The following C12orf54 variants were observed in gnomAD, a reference collection of about 807,000 sequenced individuals.
The protein encoded by C12orf54 is chromosome 12 open reading frame 54.
C12orf54 carries 24 observed loss-of-function variants against 26.4 expected under a neutral mutation model. The ratio of observed to expected loss-of-function variants is 0.91; its 90% confidence interval spans 0.66 to 1.28. The LOEUF is 1.28. Ranked by LOEUF, C12orf54 falls within the 50% of genes most tolerant of loss-of-function variation. The pLI is 0.00. For synonymous variants in C12orf54, 54 were observed against 47.0 expected (o/e 1.15, Z -0.61); for missense variants, 154 against 150.9 (o/e 1.02, Z -0.11).
At chr12:48,482,058 G>A (rs1220256608), upstream of C12orf54, among the ~76,000 whole-genome samples, 1 of 152,178 alleles carries the variant, frequency 6.6e-6, no homozygotes, top group Non-Finnish European at 1.5e-5. Flanking sequence ...CAGAAAAACT[G>A]TTTTCATCCC....
the C12orf54 span, among the ~76,000 whole-genome samples, chr12:48,462,409 G>C: frequency 1.3e-5 from 2 of 151,498 alleles, no homozygotes; most frequent in African/African-American, 4.8e-5. Context: ...ACATTATTAT[G>C]ATGCCAAAAA....
At chr12:48,464,762 G>A in the C12orf54 span, among the ~76,000 whole-genome samples, 111 of 152,000 alleles carry the variant, frequency 7.3e-4, no homozygotes, top group African/African-American at 2.6e-3. Context: ...CAAAAATAAG[G>A]CCACACACCT....
chr12:48,461,986 G>GA, the C12orf54 span, among the ~76,000 whole-genome samples: 1 of 151,496 alleles, frequency 6.6e-6, no homozygotes, highest in Non-Finnish European at 1.5e-5. Flanking sequence ...AGACTGATCA[G>GA]AAAAAAGAGA....
the C12orf54 span, among the ~76,000 whole-genome samples, chr12:48,441,185 T>A: frequency 6.6e-5 from 10 of 152,240 alleles, no homozygotes; most frequent in Non-Finnish European, 1.2e-4. Context: ...TGAACTCTTA[T>A]TATGATTCAT....
chr12:48,488,255 T>C (rs1592201437), intron 4 of C12orf54: 2 of 635,838 alleles, frequency 3.1e-6, no homozygotes, highest in Non-Finnish European at 5.9e-6. Flanking sequence ...CTGGCAGGCC[T>C]CGGCCTAAAG....
chr12:48,431,822 A>G, the C12orf54 span, among the ~76,000 whole-genome samples: 1 of 152,182 alleles, frequency 6.6e-6, no homozygotes, highest in African/African-American at 2.4e-5. Context: ...TGGGGATGGG[A>G]TTGGAGAGTG....
the C12orf54 span, among the ~76,000 whole-genome samples, chr12:48,419,603 G>A: frequency 2.0e-5 from 3 of 152,262 alleles, no homozygotes; most frequent in South Asian, 6.2e-4. Flanking sequence ...GGGTAGGAGA[G>A]AATGACCCCA....
At chr12:48,425,088 CTTTTA>C in the C12orf54 span, among the ~76,000 whole-genome samples, 33 of 151,890 alleles carry the variant, frequency 2.2e-4, no homozygotes, top group Non-Finnish European at 3.5e-4. Flanking sequence ...ATTTTTTAAA[CTTTTA>C]TTTTAGGTTC....
At chr12:48,465,784 C>A in the C12orf54 span, among the ~76,000 whole-genome samples, 23 of 152,162 alleles carry the variant, frequency 1.5e-4, no homozygotes, top group East Asian at 5.8e-4. Flanking sequence ...GAACTAGAAG[C>A]CATTATCCTT....
chr12:48,448,986 G>A, the C12orf54 span, among the ~76,000 whole-genome samples: 1 of 152,178 alleles, frequency 6.6e-6, no homozygotes, highest in South Asian at 2.1e-4. Flanking sequence ...TGAAGAGGGG[G>A]CAGCTATGGG....
chr12:48,491,215 C>T (rs982983673), intron 6 of C12orf54, among the ~76,000 whole-genome samples: 1 of 152,156 alleles, frequency 6.6e-6, no homozygotes, highest in Non-Finnish European at 1.5e-5. Context: ...TATCCTAGAT[C>T]AAGGTGCCAA....
the C12orf54 span, among the ~76,000 whole-genome samples, chr12:48,448,082 G>T: frequency 6.6e-6 from 1 of 151,726 alleles, no homozygotes; most frequent in Non-Finnish European, 1.5e-5. Context: ...TCTAAGCTTG[G>T]AAGTAGATTC....
At chr12:48,419,452 A>T in the C12orf54 span, among the ~76,000 whole-genome samples, 1 of 152,208 alleles carries the variant, frequency 6.6e-6, no homozygotes, top group Non-Finnish European at 1.5e-5. Flanking sequence ...ATTGGTTATG[A>T]TTAGACTTTG....
the C12orf54 span, among the ~76,000 whole-genome samples, chr12:48,465,812 A>T: frequency 6.6e-6 from 1 of 152,204 alleles, no homozygotes; most frequent in Non-Finnish European, 1.5e-5. Context: ...TAACACAGGA[A>T]CAGAAAACCA....
At chr12:48,469,496 G>A in the C12orf54 span, among the ~76,000 whole-genome samples, 1 of 151,942 alleles carries the variant, frequency 6.6e-6, no homozygotes, top group African/African-American at 2.4e-5. Context: ...CTTTTAGGAT[G>A]CCCAGATTTC....
the C12orf54 span, among the ~76,000 whole-genome samples, chr12:48,457,554 G>A: frequency 2.6e-5 from 4 of 151,934 alleles, no homozygotes; most frequent in East Asian, 3.9e-4. Flanking sequence ...GGCTGGTCTC[G>A]AACTCCTGAC....
the C12orf54 span, among the ~76,000 whole-genome samples, chr12:48,474,914 C>T: frequency 3.6e-4 from 55 of 152,314 alleles, no homozygotes; most frequent in Admixed American, 3.0e-3. Flanking sequence ...TCTCCCGGCA[C>T]GCAGCTTGAA....
chr12:48,452,994 T>C, the C12orf54 span, among the ~76,000 whole-genome samples: 1 of 152,138 alleles, frequency 6.6e-6, no homozygotes, highest in Non-Finnish European at 1.5e-5. Flanking sequence ...ACTGAGTATA[T>C]ACCCAAAGGG....
chr12:48,439,954 G>T, the C12orf54 span, among the ~76,000 whole-genome samples: 1 of 152,108 alleles, frequency 6.6e-6, no homozygotes, highest in Non-Finnish European at 1.5e-5. Context: ...GCCAGTCACG[G>T]TGGCTCATGC....
Sources: allele counts gnomAD v4.1 joint callset (sites outside exome capture counted in the v4.1 genomes callset), GRCh38; gene constraint gnomAD v4.1.1; transcripts MANE v1.5; gene names NCBI Gene and HGNC (gene_info 2026-07-23, HGNC 2026-07-21).